Variants in CBL observed in about 807,000 individuals in gnomAD.
CBL encodes the protein E3 ubiquitin-protein ligase CBL.
Under a neutral mutation model 96.9 loss-of-function variants are expected in CBL, and 45 were observed. The ratio of observed to expected loss-of-function variants is 0.46; its 90% CI spans 0.37 to 0.60. The LOEUF (loss-of-function observed/expected upper bound fraction) is 0.60, where lower values mean the gene tolerates loss of function less well. Among genes scored for constraint, CBL ranks in the 20% least tolerant of loss-of-function variants. The pLI is 0.00. For missense variants in CBL, 1,024 were observed against 1,143.5 expected (o/e 0.90, Z 1.51); for synonymous variants, 420 against 426.8 (o/e 0.98, Z 0.20).
At chr11:119,247,349 AAAG>A (rs1458635717) in intron 2 of CBL, among the ~76,000 whole-genome samples, 1 of 152,236 alleles carries the variant, frequency 6.6e-6, no homozygotes, top group African/African-American at 2.4e-5. Context: ...AAGGAAAAGA[AAAG>A]AAGCCTAATT....
chr11:119,297,145 A>G, intron 13 of CBL, 111 bp downstream of exon 13: 1 of 786,058 alleles, frequency 1.3e-6, no homozygotes, highest in Non-Finnish European at 2.3e-6. Flanking sequence ...AGATTAAAGC[A>G]GAAAGATAAA....
intron 1 of CBL, among the ~76,000 whole-genome samples, chr11:119,206,982 T>C (rs1268281247): frequency 2.6e-5 from 4 of 151,228 alleles, no homozygotes; most frequent in African/African-American, 9.7e-5. Flanking sequence ...GGAATTGGCC[T>C]GGGAGGTTAG....
chr11:119,271,801 A>C lies in CBL; in HGVS notation c.510A>C (p.Pro170=). The stretch of plus-strand genomic sequence containing the variant: ...TGGCAGAACTAAAAGGAATCTTTCC[A>C]AGTGGACTCTTTCAGGGAGACACAT... ...HMLAELKGIF[P]SGLFQGDTFR... Residue 170 remains proline (P), a synonymous_variant, in exon 3 of 16, where the codon CCA becomes CCC. Coordinates refer to ENST00000264033, the MANE Select transcript of CBL (RefSeq NM_005188.4). The C allele has an allele frequency of 6.2e-7, 1 of 1,614,082 alleles. No individual in the cohort carries two copies. Among genetic ancestry groups the C allele is most frequent in the Non-Finnish European group, 8.5e-7 (1 of 1,179,936 alleles).
At chr11:119,249,692 G>T (rs1403686299) in intron 2 of CBL, among the ~76,000 whole-genome samples, 3 of 150,006 alleles carry the variant, frequency 2.0e-5, no homozygotes, top group African/African-American at 2.5e-5. Context: ...TTGAGACAGG[G>T]TCTCCCTTTA....
chr11:119,264,529 C>T (rs1432587190), intron 2 of CBL, among the ~76,000 whole-genome samples: 2 of 151,636 alleles, frequency 1.3e-5, no homozygotes, highest in Non-Finnish European at 2.9e-5. Flanking sequence ...TTTGCCCAGG[C>T]TGGAATGCAG....
chr11:119,285,279 T>C lies in CBL; in HGVS notation c.1654T>C (p.Tyr552His). Residue 552 changes from tyrosine (Y) to histidine (H), a missense_variant, in exon 11 of 16, where the codon TAT becomes CAT. Around this residue, in one of 4 missense-constraint regions of CBL, gnomAD observed 695 missense variants for 661.6 expected, o/e 1.05. Transcript: ENST00000264033. ...ACCACCACCGCCTCCAGACCGGCCA[T>C]ATTCTGTTGGAGCAGAATCCCGACC... ...LPPPPPPDRP[Y>H]SVGAESRPQR... is the part of the protein sequence containing the mutation. 1.2e-6 allele frequency: 2 copies of C among 1,614,120 alleles called. No individual in the cohort carries two copies. Among genetic ancestry groups the C allele is most frequent in the Non-Finnish European group, 8.5e-7 (1 of 1,180,022 alleles).
intron 2 of CBL, among the ~76,000 whole-genome samples, chr11:119,269,869 C>T (rs1272119925): frequency 4.6e-5 from 7 of 151,976 alleles, no homozygotes; most frequent in Non-Finnish European, 1.0e-4. Flanking sequence ...TGGTGGCGGG[C>T]GCCTGTAGTC....
At chr11:119,223,211 T>G (rs1017966573) in intron 1 of CBL, among the ~76,000 whole-genome samples, 1 of 144,090 alleles carries the variant, frequency 6.9e-6, no homozygotes, top group Non-Finnish European at 1.5e-5. Context: ...TTTTTTTTTT[T>G]TTTAAAGAGA....
rs763336179 is a variant in CBL, at chr11:119,232,648, C to A, written c.396C>A (p.Leu132=). Residue 132 remains leucine, a synonymous_variant, in exon 2 of 16, where the codon CTC becomes CTA. Transcript: ENST00000264033. ...LMKKTKQTIS[L]FKEGKERMYE... ...AGAAAACTAAGCAAACCATAAGCCTCTTCAAGGAGGGAAAAGAAAGAATGT... is the reference window on the plus strand; with the variant it reads ...AGAAAACTAAGCAAACCATAAGCCTATTCAAGGAGGGAAAAGAAAGAATGT... 4 of 1,613,742 alleles carry A rather than the reference C, an allele frequency of 2.5e-6. No individual in the cohort carries two copies. In the African/African-American group the frequency reaches 5.3e-5, roughly 22 times the overall value.
chr11:119,237,386 T>C (rs185999892), intron 2 of CBL, among the ~76,000 whole-genome samples: 4 of 152,358 alleles, frequency 2.6e-5, no homozygotes, highest in South Asian at 4.1e-4. Flanking sequence ...TTCTTAACAG[T>C]ATGCCTTGAA....
At chr11:119,251,040 G>T (rs1216507496) in intron 2 of CBL, among the ~76,000 whole-genome samples, 1 of 152,066 alleles carries the variant, frequency 6.6e-6, no homozygotes, top group Non-Finnish European at 1.5e-5. Flanking sequence ...TTCCATCTTG[G>T]ATGAAAGAAG....
chr11:119,247,680 G>A (rs2135277459), intron 2 of CBL, among the ~76,000 whole-genome samples: 1 of 152,192 alleles, frequency 6.6e-6, no homozygotes, highest in South Asian at 2.1e-4. Flanking sequence ...GTGTGGTGAT[G>A]GGGGCCTGTA....
At chr11:119,268,550 A>G (rs1162053154) in intron 2 of CBL, among the ~76,000 whole-genome samples, 1 of 152,208 alleles carries the variant, frequency 6.6e-6, no homozygotes, top group Non-Finnish European at 1.5e-5. Flanking sequence ...AGTGGAGGAA[A>G]TGTGGTAGAG....
At chr11:119,261,805 A>G (rs1170039664) in intron 2 of CBL, among the ~76,000 whole-genome samples, 1 of 152,244 alleles carries the variant, frequency 6.6e-6, no homozygotes, top group South Asian at 2.1e-4. Flanking sequence ...GTGAAGTAAC[A>G]TAGCTAGTGA....
At chr11:119,241,696 T>C (rs992818372) in intron 2 of CBL, among the ~76,000 whole-genome samples, 2 of 152,180 alleles carry the variant, frequency 1.3e-5, no homozygotes, top group African/African-American at 4.8e-5. Context: ...TTTAGATCTT[T>C]GTGTTCAGGA....
chr11:119,278,368 A>C (rs1308858220), intron 8 of CBL, 71 bp downstream of exon 8: 19 of 1,580,064 alleles, frequency 1.2e-5, no homozygotes, highest in Non-Finnish European at 1.7e-5. Context: ...TATAGCCTTT[A>C]CTGATACAAG....
chr11:119,281,626 C>T (rs1484070429), intron 9 of CBL, among the ~76,000 whole-genome samples: 2 of 151,850 alleles, frequency 1.3e-5, no homozygotes. Flanking sequence ...TCCTGAGTAG[C>T]TGGGACTACA....
At chr11:119,277,901 T>A in intron 7 of CBL, 57 bp downstream of exon 7, 1 of 1,184,920 alleles carries the variant, frequency 8.4e-7, no homozygotes, top group Non-Finnish European at 1.3e-6. Flanking sequence ...AGTATATTCT[T>A]TATAGAACTG....
chr11:119,288,027 G>T, intron 12 of CBL, 81 bp downstream of exon 12: 2 of 907,734 alleles, frequency 2.2e-6, no homozygotes, highest in Non-Finnish European at 3.7e-6. Flanking sequence ...AGAAAACCCA[G>T]AAAAGTGTAA....
Sources: allele counts gnomAD v4.1 joint callset (sites outside exome capture counted in the v4.1 genomes callset), GRCh38; gene constraint gnomAD v4.1.1; regional missense constraint gnomAD v4.1.1; transcripts MANE v1.5; gene names NCBI Gene and HGNC (gene_info 2026-07-23, HGNC 2026-07-21).